UQCR10: variants seen among roughly 807,000 people sequenced by gnomAD.
UQCR10 encodes cytochrome b-c1 complex subunit 9.
A neutral mutation model predicts 6.0 loss-of-function variants in UQCR10; 5 were observed. The ratio of observed to expected loss-of-function variants is 0.83; its 90% CI spans 0.43 to 1.74. UQCR10 has a LOEUF of 1.74. Ranked by LOEUF, UQCR10 falls within the 40% of genes most tolerant of loss-of-function variation. UQCR10 has a pLI of 0.02. For synonymous variants in UQCR10, 40 were observed against 37.4 expected (o/e 1.07, Z -0.26); for missense variants, 101 against 85.1 (o/e 1.19, Z -0.74).
intron 1 of UQCR10, 47 bp from the exon 2 acceptor site, chr22:29,769,631 G>A (rs574701326): frequency 1.3e-6 from 2 of 1,506,066 alleles, no homozygotes; most frequent in Non-Finnish European, 1.8e-6. Flanking sequence ...GTTGTAAAAT[G>A]TGAGAGGCAA....
Position 29,770,310 on chromosome 22 carries a change from C to T in UQCR10, c.*591C>T, listed in dbSNP as rs1299959576. 1 of 223,278 alleles carries T rather than the reference C, an allele frequency of 4.5e-6. No individual in the cohort carries two copies. Among genetic ancestry groups the T allele is most frequent in the Non-Finnish European group, 9.2e-6 (1 of 108,652 alleles). The allele number at this position is 223,278 out of a possible 1,614,324, so 13.8% of individuals were successfully genotyped here. On this transcript the variant is annotated 3_prime_UTR_variant, in exon 2 of 2. Transcript: ENST00000330029. ...CCCTGGGCCATGTTGGAAGAATTGT[C>T]TTGGGCCACACATAAAATACAGTAA...
intron 1 of UQCR10, among the ~76,000 whole-genome samples, chr22:29,768,098 G>A (rs938073158): frequency 5.3e-5 from 8 of 152,126 alleles, no homozygotes; most frequent in Non-Finnish European, 1.2e-4. Context: ...CTTAACTGTG[G>A]CATTAAGTTG....
At position 29,769,809 on chromosome 22, in the gene UQCR10, T is replaced by G. The variant is rs761533441; in HGVS notation, c.*90T>G. ...TGGAGCCTCAGCTTGAAGATGATGC[T>G]CAAGGTACTCTTCATGGACCACCAT... On this transcript the variant is annotated 3_prime_UTR_variant, in exon 2 of 2. Transcript: ENST00000330029. 28 of 1,425,862 alleles carry G rather than the reference T, an allele frequency of 2.0e-5. No individual in the cohort carries two copies. The Middle Eastern group carries it at 5.2e-4, about 27-fold the overall frequency. The allele number at this position is 1,425,862 out of a possible 1,614,324, so 88.3% of individuals were successfully genotyped here.
rs1332045602 is a variant in UQCR10, at chr22:29,769,664, T to C, written c.151-14T>C. ...CAAAGGTCAAAGTTTGTGGCTCTTG[T>C]CTTTAAAATGCAGAAGCTGTGGAAA... On this transcript the variant is annotated splice_polypyrimidine_tract_variant and intron_variant, in intron 1 of 1. Transcript: ENST00000330029. The C allele has an allele frequency of 2.1e-6, 3 of 1,407,108 alleles. No individual in the cohort carries two copies. The South Asian group carries it at 3.5e-5, about 16-fold the overall frequency. 87.2% of individuals were successfully genotyped at this position (1,407,108 alleles called of 1,614,324 possible). A position where few individuals can be genotyped will look rare whatever the true frequency, so the allele number is the denominator to read the frequency against.
intron 1 of UQCR10, among the ~76,000 whole-genome samples, chr22:29,768,401 C>G (rs2068239505): frequency 6.6e-6 from 1 of 152,092 alleles, no homozygotes; most frequent in Non-Finnish European, 1.5e-5. Flanking sequence ...TAGCCCTGTT[C>G]CACCACTCAC....
intron 1 of UQCR10, 137 bp downstream of exon 1, chr22:29,767,685 C>T: frequency 7.8e-7 from 1 of 1,286,476 alleles, no homozygotes; most frequent in Non-Finnish European, 1.0e-6. Context: ...TCGAGTCCGC[C>T]GTCTGTCCCC....
In UQCR10 at chr22:29,767,452, C is replaced by T. The variant is rs2068229012; in HGVS notation, c.54C>T (p.Thr18=). 3.1e-6 allele frequency: 5 copies of T among 1,613,906 alleles called. No individual in the cohort carries two copies. In the South Asian group the frequency reaches 3.3e-5, roughly 11 times the overall value. The change falls in exon 1 of 2, where the codon ACC becomes ACT. Residue 18 remains threonine, a synonymous_variant. Coordinates refer to ENST00000330029, the MANE Select transcript of UQCR10 (RefSeq NM_013387.4). ...TGTACTCCCTGCTGTTCCGCAGGACCTCCACCTTCGCCCTCACCATCATCG... is the reference window on the plus strand; with the variant it reads ...TGTACTCCCTGCTGTTCCGCAGGACTTCCACCTTCGCCCTCACCATCATCG... ...SKLYSLLFRR[T]STFALTIIVG... is the part of the protein sequence containing the mutation.
rs762762515 is a variant in UQCR10 at position 29,767,629 on chromosome 22, T to C, written c.150+81T>C. On this transcript the variant is annotated intron_variant, in intron 1 of 1. Coordinates refer to ENST00000330029, the MANE Select transcript of UQCR10 (RefSeq NM_013387.4). ...AGAGGTGGGATGGGACTCAGTATAC[T>C]TTTACCAGGAAGGGGGTAAGGGGTA... 4.2e-5 allele frequency: 63 copies of C among 1,503,074 alleles called. No homozygotes were observed. The Middle Eastern group carries it at 7.0e-4, about 17-fold the overall frequency. 93.1% of individuals were successfully genotyped at this position (1,503,074 alleles called of 1,614,324 possible).
In UQCR10 at chr22:29,767,391, G is replaced by C; in HGVS notation, c.-8G>C. 1 of 1,612,342 alleles carries C rather than the reference G, an allele frequency of 6.2e-7. No homozygotes were observed. Among genetic ancestry groups the C allele is most frequent in the East Asian group, 2.2e-5 (1 of 44,836 alleles). On this transcript the variant is annotated 5_prime_UTR_variant, in exon 1 of 2. Coordinates refer to ENST00000330029, the MANE Select transcript of UQCR10 (RefSeq NM_013387.4). ...GGCGCGGTGGCGCGAGTTGGACTGT[G>C]AAGAAACATGGCGGCCGCGACGTTG...
intron 1 of UQCR10, among the ~76,000 whole-genome samples, chr22:29,769,190 A>G (rs1301047588): frequency 1.3e-5 from 2 of 152,100 alleles, no homozygotes; most frequent in East Asian, 3.9e-4. Context: ...GCATCATAGT[A>G]TTTTATAAAT....
At chr22:29,767,691 T>G (rs1478723108) in intron 1 of UQCR10, 143 bp downstream of exon 1, 6 of 1,255,528 alleles carry the variant, frequency 4.8e-6, no homozygotes, top group Non-Finnish European at 6.5e-6. Flanking sequence ...CCGCCGTCTG[T>G]CCCCTTGGCT....
rs930781754 is a variant in UQCR10, at chr22:29,769,295, A to G, written c.151-383A>G. ...GGCAGGCAGATCACTTGAGGTCAGG[A>G]GTTTGAGACCAGCTTGGCCAACATG... On this transcript the variant is annotated intron_variant, in intron 1 of 1. Transcript: ENST00000330029. Among the ~76,000 whole-genome samples, 7 of 152,238 alleles carry G rather than the reference A, an allele frequency of 4.6e-5. No individual in the cohort carries two copies. In the East Asian group the frequency reaches 1.4e-3, roughly 29 times the overall value.
At position 29,770,192 on chromosome 22, in the gene UQCR10, C is replaced by G. The variant is rs1029029852; in HGVS notation, c.*473C>G. On this transcript the variant is annotated 3_prime_UTR_variant, in exon 2 of 2. Transcript: ENST00000330029. ...TCACTGTCTTGGCCATGGGGAAGCA[C>G]TATGGCCTCAGCTGGGGGAAAGACC... The G allele has an allele frequency of 2.5e-5, 9 of 356,638 alleles. No homozygotes were observed. Among genetic ancestry groups the G allele is most frequent in the Non-Finnish European group, 4.9e-5 (9 of 182,234 alleles). The allele number at this position is 356,638 out of a possible 1,614,324, so 22.1% of individuals were successfully genotyped here. A position where few individuals can be genotyped will look rare whatever the true frequency, so the allele number is the denominator to read the frequency against.
In UQCR10 at chr22:29,769,759, C is replaced by T; in HGVS notation, c.*40C>T. On this transcript the variant is annotated 3_prime_UTR_variant, in exon 2 of 2. Coordinates refer to ENST00000330029, the MANE Select transcript of UQCR10 (RefSeq NM_013387.4). Reference sequence around the variant, plus strand: ...CCATCCAGGCCAGAAGGACCAGGTCCACCCAGCAGCTGTTTGCCCAGAGCT... The same window carrying T: ...CCATCCAGGCCAGAAGGACCAGGTCTACCCAGCAGCTGTTTGCCCAGAGCT... The T allele has an allele frequency of 6.3e-7, 1 of 1,592,318 alleles. No homozygotes were observed. Among genetic ancestry groups the T allele is most frequent in the East Asian group, 2.3e-5 (1 of 43,844 alleles).
intron 1 of UQCR10, among the ~76,000 whole-genome samples, chr22:29,769,230 G>A (rs1262010231): frequency 6.6e-6 from 1 of 152,160 alleles, no homozygotes; most frequent in East Asian, 1.9e-4. Context: ...GGCTCGGCGC[G>A]GTGGCTCACA....
Position 29,770,261 on chromosome 22 carries a change from C to A in UQCR10, c.*542C>A, listed in dbSNP as rs2068254301. On this transcript the variant is annotated 3_prime_UTR_variant, in exon 2 of 2. Transcript: ENST00000330029. ...CCACTCCCCACCCTAGGGTATAGTT[C>A]AGGGGTATCCAATCCTTTGGCTTCC... The A allele has an allele frequency of 3.6e-6, 1 of 278,830 alleles. No individual in the cohort carries two copies. The highest frequency in any genetic ancestry group is 2.2e-5 in the African/African-American group (1 of 45,928). 17.3% of individuals were successfully genotyped at this position (278,830 alleles called of 1,614,324 possible). A position where few individuals can be genotyped will look rare whatever the true frequency, so the allele number is the denominator to read the frequency against.
rs560864327 is a variant in UQCR10 at position 29,770,323 on chromosome 22, T to TAA, written c.*607_*608dup. ...TGGAAGAATTGTCTTGGGCCACACATAAAATACAGTAACCATAGCTGATGA... is the reference window on the plus strand; with the variant it reads ...TGGAAGAATTGTCTTGGGCCACACATAAAAAATACAGTAACCATAGCTGATGA... On this transcript the variant is annotated 3_prime_UTR_variant, in exon 2 of 2. Coordinates refer to ENST00000330029, the MANE Select transcript of UQCR10 (RefSeq NM_013387.4). The TAA allele has an allele frequency of 5.7e-3, 1,177 of 207,554 alleles. 13 individuals are homozygous for TAA. Among genetic ancestry groups the TAA allele is most frequent in the African/African-American group, 0.025 (1,109 of 43,914 alleles). 12.9% of individuals were successfully genotyped at this position (207,554 alleles called of 1,614,324 possible).
chr22:29,767,622 A>T, intron 1 of UQCR10, 74 bp downstream of exon 1: 1 of 1,555,034 alleles, frequency 6.4e-7, no homozygotes, highest in Non-Finnish European at 8.7e-7. Context: ...GATGGGACTC[A>T]GTATACTTTT....
At chr22:29,768,902 C>G (rs534960042) in intron 1 of UQCR10, among the ~76,000 whole-genome samples, 1 of 152,334 alleles carries the variant, frequency 6.6e-6, no homozygotes, top group Non-Finnish European at 1.5e-5. Context: ...ACTGGGATTA[C>G]AGGCGTGAGC....
Sources: allele counts gnomAD v4.1 joint callset (sites outside exome capture counted in the v4.1 genomes callset), GRCh38; gene constraint gnomAD v4.1.1; transcripts MANE v1.5; gene names NCBI Gene and HGNC (gene_info 2026-07-23, HGNC 2026-07-21).